Variants in NPAS3 observed in about 807,000 individuals in gnomAD.
The protein encoded by NPAS3 is neuronal PAS domain-containing protein 3.
NPAS3 carries 14 observed loss-of-function variants against 73.1 expected under a neutral mutation model. That is an observed-to-expected ratio of 0.19 (90% confidence interval 0.13 to 0.30). NPAS3 has a LOEUF of 0.30. NPAS3 is among the 10% of genes least tolerant of loss of function. NPAS3 has a pLI of 1.00. For synonymous variants in NPAS3, 620 were observed against 541.5 expected (o/e 1.14, Z -2.01); for missense variants, 1,096 against 1,250.0 (o/e 0.88, Z 1.86).
chr14:33,410,668 T>C (rs2047882832), intron 4 of NPAS3, among the ~76,000 whole-genome samples: 1 of 152,194 alleles, frequency 6.6e-6, no homozygotes, highest in African/African-American at 2.4e-5. Flanking sequence ...TTCCTTGAGA[T>C]GGATGCTCAC....
intron 3 of NPAS3, among the ~76,000 whole-genome samples, chr14:33,289,399 G>A (rs1254599222): frequency 5.3e-5 from 8 of 152,144 alleles, no homozygotes; most frequent in Non-Finnish European, 1.5e-5. Flanking sequence ...AAAACATGGT[G>A]ATGACACCCT....
At chr14:32,946,338 A>ACACGCACG (rs1365554093) in intron 1 of NPAS3, among the ~76,000 whole-genome samples, 2 of 105,618 alleles carry the variant, frequency 1.9e-5, no homozygotes, top group Admixed American at 1.1e-4. Flanking sequence ...CCCCCAACAC[A>ACACGCACG]CACACACGCG....
chr14:32,996,316 G>GGATA (rs1351093404), intron 1 of NPAS3, among the ~76,000 whole-genome samples: 1 of 152,162 alleles, frequency 6.6e-6, no homozygotes, highest in African/African-American at 2.4e-5. Flanking sequence ...ATTTGCAACT[G>GGATA]GATAATGTGA....
At chr14:33,646,114 G>T (rs972608352) in intron 5 of NPAS3, among the ~76,000 whole-genome samples, 1 of 152,128 alleles carries the variant, frequency 6.6e-6, no homozygotes, top group South Asian at 2.1e-4. Context: ...AAAACGAGGG[G>T]TCTGCTGAGG....
chr14:33,796,970 A>G (rs1347219887), intron 10 of NPAS3, among the ~76,000 whole-genome samples: 1 of 151,988 alleles, frequency 6.6e-6, no homozygotes, highest in South Asian at 2.1e-4. Context: ...TCTGTCAGAT[A>G]GGCACCAAAG....
chr14:33,219,898 A>G (rs1362925435), intron 3 of NPAS3, among the ~76,000 whole-genome samples: 1 of 152,134 alleles, frequency 6.6e-6, no homozygotes, highest in Non-Finnish European at 1.5e-5. Context: ...ATCTTGGTCT[A>G]AGCAGTTCAG....
chr14:33,253,023 A>C (rs1594516462), intron 3 of NPAS3, among the ~76,000 whole-genome samples: 1 of 152,150 alleles, frequency 6.6e-6, no homozygotes, highest in African/African-American at 2.4e-5. Flanking sequence ...CCAGTCAACC[A>C]CTGATGGACA....
chr14:33,615,368 G>A (rs2057881511), intron 5 of NPAS3, among the ~76,000 whole-genome samples: 3 of 152,176 alleles, frequency 2.0e-5, no homozygotes, highest in Admixed American at 6.5e-5. Context: ...AGATCAAGGA[G>A]CTGTGACAGC....
intron 5 of NPAS3, among the ~76,000 whole-genome samples, chr14:33,673,430 T>A (rs771734054): frequency 5.3e-5 from 8 of 152,216 alleles, no homozygotes; most frequent in Admixed American, 4.6e-4. Flanking sequence ...AGTATTGTTA[T>A]TGTTAAGGCT....
chr14:33,397,664 G>T (rs2047280609), intron 4 of NPAS3, among the ~76,000 whole-genome samples: 1 of 152,112 alleles, frequency 6.6e-6, no homozygotes, highest in Non-Finnish European at 1.5e-5. Flanking sequence ...GTTCTCCCAA[G>T]ACATGTAGGA....
chr14:33,166,577 G>A (rs2045161724), intron 2 of NPAS3, among the ~76,000 whole-genome samples: 2 of 152,028 alleles, frequency 1.3e-5, no homozygotes, highest in South Asian at 4.1e-4. Context: ...CTCCATAAAT[G>A]CTTTCTGAAT....
chr14:33,039,863 G>C (rs1479730093), intron 1 of NPAS3, among the ~76,000 whole-genome samples: 1 of 152,186 alleles, frequency 6.6e-6, no homozygotes. Flanking sequence ...GCTAACTTTA[G>C]ATTGATAGAG....
At chr14:33,331,523 T>C (rs758836097) in intron 3 of NPAS3, among the ~76,000 whole-genome samples, 18 of 152,184 alleles carry the variant, frequency 1.2e-4, no homozygotes, top group Non-Finnish European at 2.4e-4. Flanking sequence ...GAGGGCTTTT[T>C]TTTCCTGTTG....
rs2046101153 is a variant in NPAS3, at chr14:33,189,723, C to G, written c.141-25459C>G. Among the ~76,000 whole-genome samples, 5 of 152,148 alleles carry G rather than the reference C, an allele frequency of 3.3e-5. No homozygotes were observed. The South Asian group carries it at 8.3e-4, about 25-fold the overall frequency. ...TTTATACATTTAAAAATGTGTCATC[C>G]CTTTGTAACGTTCATATGAATTAGT... On this transcript the variant is annotated intron_variant, in intron 2 of 11. Transcript: ENST00000356141.
exon 12 of NPAS3, chr14:33,801,020 A>G: frequency 6.3e-7 from 1 of 1,590,210 alleles, no homozygotes; most frequent in Non-Finnish European, 8.6e-7. Context: ...CGTGTTCACC[A>G]CGGCCGAGGG....
intron 6 of NPAS3, among the ~76,000 whole-genome samples, chr14:33,699,228 G>A (rs764368619): frequency 1.3e-5 from 2 of 151,748 alleles, no homozygotes; most frequent in African/African-American, 2.4e-5. Context: ...TTTAAAAGCT[G>A]GAATAATAAA....
At chr14:33,335,444 G>C (rs1594719902) in intron 3 of NPAS3, among the ~76,000 whole-genome samples, 1 of 152,104 alleles carries the variant, frequency 6.6e-6, no homozygotes, top group East Asian at 1.9e-4. Flanking sequence ...CAGATGTCAG[G>C]CATTTTGTTT....
intron 4 of NPAS3, among the ~76,000 whole-genome samples, chr14:33,378,833 A>G (rs2046417104): frequency 6.6e-6 from 1 of 152,138 alleles, no homozygotes; most frequent in Non-Finnish European, 1.5e-5. Flanking sequence ...GTATGGGAAC[A>G]TATCTGTGAT....
At chr14:33,306,375 T>A (rs899433456) in intron 3 of NPAS3, among the ~76,000 whole-genome samples, 1 of 152,220 alleles carries the variant, frequency 6.6e-6, no homozygotes, top group Non-Finnish European at 1.5e-5. Context: ...AAACTAATTC[T>A]GCAATTTAAC....
Sources: allele counts gnomAD v4.1 joint callset (sites outside exome capture counted in the v4.1 genomes callset), GRCh38; gene constraint gnomAD v4.1.1; transcripts MANE v1.5; gene names NCBI Gene and HGNC (gene_info 2026-07-23, HGNC 2026-07-21).